Variants in CAPN8 observed in about 807,000 individuals in gnomAD.
The protein encoded by CAPN8 is calpain 8, also known as calpain-8.
A neutral mutation model predicts 80.9 loss-of-function variants in CAPN8; 87 were observed. The observed-to-expected ratio is 1.07, with a 90% CI of 0.90 to 1.28. The LOEUF is 1.28. Among genes scored for constraint, CAPN8 ranks in the 50% most tolerant of loss-of-function variants. The pLI is 0.00. For synonymous variants in CAPN8, 299 were observed against 273.8 expected (o/e 1.09, Z -0.91); for missense variants, 757 against 702.0 (o/e 1.08, Z -0.89).
At chr1:223,635,287 A>T (rs1170431741) in intron 2 of CAPN8, among the ~76,000 whole-genome samples, 2 of 152,150 alleles carry the variant, frequency 1.3e-5, no homozygotes, top group Admixed American at 1.3e-4. Context: ...ACGCCTTTTG[A>T]AGCCCTTGGC....
intron 1 of CAPN8, among the ~76,000 whole-genome samples, chr1:223,661,811 T>C (rs1304260476): frequency 6.6e-6 from 1 of 152,182 alleles, no homozygotes; most frequent in Non-Finnish European, 1.5e-5. Flanking sequence ...GGGTCATATC[T>C]TTTGGGTATA....
At chr1:223,644,705 C>T (rs754450991) in intron 2 of CAPN8, among the ~76,000 whole-genome samples, 21 of 152,198 alleles carry the variant, frequency 1.4e-4, no homozygotes, top group Non-Finnish European at 2.8e-4. Context: ...CCGGCTCCTG[C>T]ATGGCAACAT....
intron 2 of CAPN8, among the ~76,000 whole-genome samples, chr1:223,630,676 C>A (rs1465436647): frequency 6.6e-6 from 1 of 152,118 alleles, no homozygotes; most frequent in Non-Finnish European, 1.5e-5. Context: ...AGGAGGCAAC[C>A]TGCTTCCTGC....
At chr1:223,644,057 C>A (rs142306160) in intron 2 of CAPN8, 224 of 197,388 alleles carry the variant, frequency 1.1e-3, no homozygotes, top group African/African-American at 5.0e-3. Flanking sequence ...ACAAAGGACA[C>A]CTAAAAACAA....
In CAPN8 at chr1:223,556,084, T is replaced by C. The variant is rs1041130005; in HGVS notation, c.1572+2047A>G. On this transcript the variant is annotated intron_variant, in intron 13 of 20. Coordinates refer to ENST00000366872, the MANE Select transcript of CAPN8 (RefSeq NM_001143962.2). ...CATGTTGGGAATGTCTTTACAACCC[T>C]GCTCAAAGTGAACACGGCTAAATTC... 2.4e-4 allele frequency among the ~76,000 whole-genome samples: 36 copies of C among 152,364 alleles called. 1 individual carries two copies. In the Middle Eastern group the frequency reaches 0.01, roughly 43 times the overall value.
At position 223,665,564 on chromosome 1, in the gene CAPN8, A is replaced by C. The variant is rs1302427737; in HGVS notation, c.83T>G (p.Leu28Trp). The C allele has an allele frequency of 6.4e-7, 1 of 1,551,660 alleles. No homozygotes were observed. Among genetic ancestry groups the C allele is most frequent in the Non-Finnish European group, 8.7e-7 (1 of 1,146,998 alleles). The change falls in exon 1 of 21, where the codon TTG (leucine) becomes TGG (tryptophan). Residue 28 changes from leucine to tryptophan, a missense_variant. Leu to Trp is a moderately conservative substitution (Grantham distance 61). Coordinates refer to ENST00000366872, the MANE Select transcript of CAPN8 (RefSeq NM_001143962.2). ...LGSNQNALKY[L>W]GQDFKTLRQQ... ...CCTCAGGGTCTTGAAATCCTGGCCC[A>C]AGTACTTCAAAGCGTTTTGGTTGGA...
intron 6 of CAPN8, among the ~76,000 whole-genome samples, chr1:223,625,462 A>AT (rs1404147379): frequency 6.6e-6 from 1 of 152,076 alleles, no homozygotes; most frequent in Admixed American, 6.6e-5. Context: ...TAGAAAAAAA[A>AT]TTTTTAATTT....
At chr1:223,654,289 G>A (rs1275808913) in intron 2 of CAPN8, 41 bp downstream of exon 2, 42 of 1,517,326 alleles carry the variant, frequency 2.8e-5, no homozygotes, top group Middle Eastern at 3.4e-4. Context: ...ATACACACCC[G>A]CCCTCTCCCA....
rs190771604 is a variant in CAPN8, at chr1:223,542,202, T to C, written c.2089-343A>G. On this transcript the variant is annotated intron_variant, in intron 20 of 20. Coordinates refer to ENST00000366872, the MANE Select transcript of CAPN8 (RefSeq NM_001143962.2). ...TACACTATATATGTGTGTGTATATA[T>C]ATATCCCTATAGATTCCTATATATG... Among the ~76,000 whole-genome samples, 797 of 152,216 alleles carry C rather than the reference T, an allele frequency of 5.2e-3. 6 individuals carry two copies. Among genetic ancestry groups the C allele is most frequent in the African/African-American group, 0.018 (748 of 41,512 alleles).
chr1:223,558,400 A>G (rs1656952987), intron 12 of CAPN8, among the ~76,000 whole-genome samples: 1 of 152,176 alleles, frequency 6.6e-6, no homozygotes, highest in African/African-American at 2.4e-5. Flanking sequence ...TCCCAGTGCC[A>G]TTGGCCCTTC....
intron 6 of CAPN8, among the ~76,000 whole-genome samples, chr1:223,624,720 A>AATAAATAAATAAATAC (rs1657511598): frequency 2.9e-5 from 4 of 139,576 alleles, no homozygotes; most frequent in East Asian, 2.7e-4. Context: ...TCTCTAAATA[A>AATAAATAAATAAATAC]ATAAATAAAT....
chr1:223,654,842 AT>A (rs35365292), intron 1 of CAPN8, among the ~76,000 whole-genome samples: 22,864 of 111,624 alleles, frequency 0.2, 1,711 homozygotes, highest in South Asian at 0.27. Flanking sequence ...CACCCGGCTA[AT>A]TTTTTTTTTT....
intron 2 of CAPN8, among the ~76,000 whole-genome samples, chr1:223,629,197 A>ACT: frequency 1.0e-5 from 1 of 95,312 alleles, no homozygotes; most frequent in South Asian, 3.7e-4. Context: ...TACGTGTAAG[A>ACT]GTGTGTGTGT....
intron 1 of CAPN8, among the ~76,000 whole-genome samples, chr1:223,664,051 C>G (rs1300767718): frequency 6.6e-6 from 1 of 152,186 alleles, no homozygotes; most frequent in East Asian, 1.9e-4. Flanking sequence ...TGGATGAGCT[C>G]AATTCTCACA....
chr1:223,620,976 A>AG (rs1251049362), intron 7 of CAPN8, among the ~76,000 whole-genome samples: 1 of 151,212 alleles, frequency 6.6e-6, no homozygotes, highest in Non-Finnish European at 1.5e-5. Flanking sequence ...TTAAAAAAAA[A>AG]AAAATCCCTG....
chr1:223,648,440 T>C (rs1297553254), intron 2 of CAPN8, among the ~76,000 whole-genome samples: 1 of 152,216 alleles, frequency 6.6e-6, no homozygotes, highest in African/African-American at 2.4e-5. Context: ...GTGAATTGAT[T>C]TACTTTGCCA....
chr1:223,637,845 T>C (rs1019744074), intron 2 of CAPN8, among the ~76,000 whole-genome samples: 1 of 152,188 alleles, frequency 6.6e-6, no homozygotes, highest in Non-Finnish European at 1.5e-5. Flanking sequence ...CCTGGACCCT[T>C]ACTTGCCTGC....
intron 16 of CAPN8, 56 bp downstream of exon 16, chr1:223,549,262 C>T (rs2102689402): frequency 1.3e-6 from 2 of 1,533,808 alleles, no homozygotes; most frequent in Non-Finnish European, 1.7e-6. Flanking sequence ...GTGGAGGAGT[C>T]TTTAAAAACC....
At chr1:223,622,730 G>T in intron 7 of CAPN8, 85 bp downstream of exon 7, 1 of 1,025,950 alleles carries the variant, frequency 9.7e-7, no homozygotes, top group Non-Finnish European at 1.5e-6. Context: ...AACTCACTGT[G>T]ACATCGATCT....
Sources: allele counts gnomAD v4.1 joint callset (sites outside exome capture counted in the v4.1 genomes callset), GRCh38; gene constraint gnomAD v4.1.1; transcripts MANE v1.5; gene names NCBI Gene and HGNC (gene_info 2026-07-23, HGNC 2026-07-21).